The following PEAK1 variants were observed in gnomAD, a reference collection of about 807,000 sequenced individuals.
PEAK1 encodes pseudopodium enriched atypical kinase 1, also known as inactive tyrosine-protein kinase PEAK1.
A neutral mutation model predicts 124.7 loss-of-function variants in PEAK1; 54 were observed. The observed-to-expected ratio is 0.43, with a 90% CI of 0.35 to 0.54. The LOEUF (loss-of-function observed/expected upper bound fraction) is 0.54, where lower values mean the gene tolerates loss of function less well. Ranked by LOEUF, PEAK1 falls within the 20% of genes least tolerant of loss-of-function variation. PEAK1 has a pLI of 0.01. For synonymous variants in PEAK1, 719 were observed against 760.0 expected (o/e 0.95, Z 0.89); for missense variants, 2,046 against 2,134.5 (o/e 0.96, Z 0.82).
chr15:77,346,434 C>T (rs2066879434), intron 2 of PEAK1: 1 of 984,882 alleles, frequency 1.0e-6, no homozygotes, highest in Non-Finnish European at 1.2e-6. Flanking sequence ...AGTGATCAGT[C>T]CCTTGGGGGA....
In PEAK1 at chr15:77,181,016, A is replaced by T; in HGVS notation, c.911T>A (p.Ile304Asn). 1 of 1,614,180 alleles carries T rather than the reference A, an allele frequency of 6.2e-7. No homozygotes were observed. The highest frequency in any genetic ancestry group is 8.5e-7 in the Non-Finnish European group (1 of 1,180,014). Residue 304 changes from isoleucine (I) to asparagine (N), a missense_variant, in exon 7 of 10, where the codon ATC (isoleucine) becomes AAC (asparagine). Transcript: ENST00000682557. ...IPLRNKSLQR[I>N]CAVDYDDSYD... ...GCTGTCATCATAGTCCACAGCACAGATTCTCTGCAGAGACTTGTTTCGCAG... is the reference window on the plus strand; with the variant it reads ...GCTGTCATCATAGTCCACAGCACAGTTTCTCTGCAGAGACTTGTTTCGCAG...
chr15:77,278,119 G>A (rs1420242288), intron 5 of PEAK1, among the ~76,000 whole-genome samples: 1 of 151,998 alleles, frequency 6.6e-6, no homozygotes, highest in African/African-American at 2.4e-5. Context: ...AGGGTATGTG[G>A]GATATCTCTG....
At chr15:77,211,653 A>G (rs985329720) in intron 6 of PEAK1, among the ~76,000 whole-genome samples, 58 of 152,086 alleles carry the variant, frequency 3.8e-4, no homozygotes, top group Non-Finnish European at 2.1e-4. Context: ...GTTTGAGACC[A>G]GCTGGCCAAT....
chr15:77,100,760 T>G (rs2050687511), exon 7 of PEAK1: 1 of 152,264 alleles, frequency 6.6e-6, no homozygotes, highest in East Asian at 1.9e-4. Context: ...AGAAGCCAGC[T>G]ACATCCAAGG....
rs574157880 is a variant in PEAK1 at position 77,371,377 on chromosome 15, A to C, written c.-665-6152T>G. The C allele has an allele frequency of 3.2e-6, 3 of 934,296 alleles. No individual in the cohort carries two copies. The South Asian group carries it at 1.5e-4, about 46-fold the overall frequency. 57.9% of individuals were successfully genotyped at this position (934,296 alleles called of 1,614,324 possible). On this transcript the variant is annotated intron_variant, in intron 1 of 9. Coordinates refer to ENST00000682557, the MANE Select transcript of PEAK1 (RefSeq NM_001385026.1). ...AGTAGAGAGAAGATAAGGAACATTA[A>C]TTGAAAGTGTTGTAAAAGTGAAGCC...
intron 8 of PEAK1, chr15:77,156,845 T>G (rs1240069455): frequency 6.6e-6 from 1 of 152,230 alleles, no homozygotes; most frequent in African/African-American, 2.4e-5. Context: ...CAGTACATTT[T>G]CATTTTATAA....
chr15:77,192,109 C>A (rs1433191037), intron 6 of PEAK1, among the ~76,000 whole-genome samples: 1 of 152,168 alleles, frequency 6.6e-6, no homozygotes, highest in Non-Finnish European at 1.5e-5. Flanking sequence ...TGAGAAATAT[C>A]CAGATCTTTA....
chr15:77,204,052 CTT>C (rs1377487668), intron 6 of PEAK1, among the ~76,000 whole-genome samples: 1 of 152,156 alleles, frequency 6.6e-6, no homozygotes, highest in East Asian at 1.9e-4. Context: ...AAAAATAACT[CTT>C]AATTCTCAAC....
chr15:77,380,214 A>T (rs751342318), intron 1 of PEAK1, among the ~76,000 whole-genome samples: 1 of 152,166 alleles, frequency 6.6e-6, no homozygotes, highest in Non-Finnish European at 1.5e-5. Flanking sequence ...CAATAGCATG[A>T]CCTGCCCTGG....
intron 2 of PEAK1, among the ~76,000 whole-genome samples, chr15:77,308,896 T>C (rs1202621477): frequency 6.6e-6 from 1 of 151,886 alleles, no homozygotes; most frequent in Non-Finnish European, 1.5e-5. Context: ...GTCAATAACA[T>C]GACATCATGA....
intron 5 of PEAK1, among the ~76,000 whole-genome samples, chr15:77,276,184 G>A (rs1026011478): frequency 1.3e-5 from 2 of 152,094 alleles, no homozygotes; most frequent in Non-Finnish European, 2.9e-5. Context: ...AAAATAATTT[G>A]AAAAAATATG....
At chr15:77,379,276 T>C (rs1440027120) in intron 1 of PEAK1, among the ~76,000 whole-genome samples, 1 of 152,202 alleles carries the variant, frequency 6.6e-6, no homozygotes, top group Non-Finnish European at 1.5e-5. Flanking sequence ...CAAAATTATC[T>C]AGCAGTCCTT....
intron 1 of PEAK1, chr15:77,403,332 T>C (rs2071534064): frequency 4.3e-6 from 4 of 940,068 alleles, no homozygotes; most frequent in Admixed American, 6.2e-5. Context: ...TAAAATAAGA[T>C]AGTAACATAT....
At chr15:77,370,349 A>G (rs549425633) in intron 1 of PEAK1, among the ~76,000 whole-genome samples, 1 of 152,204 alleles carries the variant, frequency 6.6e-6, no homozygotes, top group Admixed American at 6.5e-5. Context: ...AAAAATCTTG[A>G]AAGTTGTAAT....
intron 6 of PEAK1, among the ~76,000 whole-genome samples, chr15:77,246,642 A>G (rs1250903223): frequency 6.6e-6 from 1 of 152,216 alleles, no homozygotes; most frequent in Non-Finnish European, 1.5e-5. Flanking sequence ...ACATTTAAAA[A>G]AATTTACACC....
At chr15:77,141,862 A>T (rs1307467172) in intron 8 of PEAK1, among the ~76,000 whole-genome samples, 1 of 152,160 alleles carries the variant, frequency 6.6e-6, no homozygotes, top group Non-Finnish European at 1.5e-5. Context: ...GAAAAATTTA[A>T]ATATAAGAGC....
chr15:77,181,422 C>T lies in PEAK1; in HGVS notation c.505G>A (p.Glu169Lys), dbSNP rs1395827920. The T allele has an allele frequency of 1.9e-6, 3 of 1,614,158 alleles. No individual in the cohort carries two copies. The highest frequency in any genetic ancestry group is 1.7e-6 in the Non-Finnish European group (2 of 1,180,014). The change falls in exon 7 of 10, where the codon GAA (glutamate) becomes AAA (lysine). Residue 169 changes from glutamate (E) to lysine (K), a missense_variant. By Grantham distance (56) the Glu-to-Lys change is moderately conservative (BLOSUM62 1). Coordinates refer to ENST00000682557, the MANE Select transcript of PEAK1 (RefSeq NM_001385026.1). ...AAGAATGTTTCTCTGGAGTTTGTTT[C>T]ATTTCCTCTTATCTGAGGGGCAGTA... is the stretch of plus-strand genomic sequence containing the variant. ...LDTAPQIRGN[E>K]TNSRETFLGR... is the part of the protein sequence containing the mutation.
chr15:77,132,695 C>CAAA (rs35561271), intron 9 of PEAK1, among the ~76,000 whole-genome samples: 4 of 100,314 alleles, frequency 4.0e-5, no homozygotes, highest in East Asian at 7.0e-4. Context: ...AACTCCATCT[C>CAAA]AAAAAAAAAA....
intron 6 of PEAK1, among the ~76,000 whole-genome samples, chr15:77,240,909 CTA>C (rs2060327182): frequency 6.6e-6 from 1 of 152,098 alleles, no homozygotes; most frequent in Non-Finnish European, 1.5e-5. Context: ...TCTGAACAGT[CTA>C]TTCCAGAAGA....
Sources: gnomAD v4.1 joint callset for allele counts (sites outside exome capture counted in the v4.1 genomes callset) on GRCh38, gnomAD v4.1.1 for gene constraint, MANE v1.5 for transcripts, NCBI Gene and HGNC (gene_info 2026-07-23, HGNC 2026-07-21) for gene names.